The following NSUN6 variants were observed in gnomAD, a reference collection of about 807,000 sequenced individuals.
NSUN6 encodes tRNA (cytosine(72)-C(5))-methyltransferase NSUN6.
Under a neutral mutation model 58.0 loss-of-function variants are expected in NSUN6, and 64 were observed. That is an observed-to-expected ratio of 1.10 (90% CI 0.90 to 1.36). The LOEUF is 1.36. Among genes scored for constraint, NSUN6 ranks in the 40% most tolerant of loss-of-function variants. The pLI is 0.00. For missense variants in NSUN6, 701 were observed against 550.1 expected, an observed-to-expected ratio of 1.27 and a Z score of -2.74; for synonymous variants, 231 against 193.9, an observed-to-expected ratio of 1.19 and a Z score of -1.59.
chr10:18,574,023 C>G (rs1054404115), intron 8 of NSUN6, among the ~76,000 whole-genome samples: 2 of 152,078 alleles, frequency 1.3e-5, no homozygotes, highest in African/African-American at 4.8e-5. Context: ...CTCATAACTG[C>G]CCCTGTTTTA....
upstream of NSUN6, chr10:18,658,297 G>GT (rs2059800306): frequency 6.6e-6 from 1 of 152,134 alleles, no homozygotes; most frequent in African/African-American, 2.4e-5. Flanking sequence ...CTGGGAGGAC[G>GT]TAAGTCATAC....
At chr10:18,656,407 C>A (rs530849148), upstream of NSUN6, among the ~76,000 whole-genome samples, 1 of 152,236 alleles carries the variant, frequency 6.6e-6, no homozygotes, top group East Asian at 1.9e-4. Context: ...CATGGTGGTG[C>A]ATGCCTGTAA....
chr10:18,619,862 A>T (rs1564810604), intron 3 of NSUN6, among the ~76,000 whole-genome samples: 1 of 152,194 alleles, frequency 6.6e-6, no homozygotes, highest in Non-Finnish European at 1.5e-5. Context: ...GATATAAGAA[A>T]CTACACATAC....
At chr10:18,640,152 CA>C (rs1356886133) in intron 3 of NSUN6, among the ~76,000 whole-genome samples, 2 of 152,142 alleles carry the variant, frequency 1.3e-5, no homozygotes, top group African/African-American at 4.8e-5. Context: ...TAAGTGAACA[CA>C]AAAGCAAATT....
chr10:18,652,940 T>C (rs1009524538), upstream of NSUN6: 1 of 984,698 alleles, frequency 1.0e-6, no homozygotes, highest in Non-Finnish European at 1.2e-6. Flanking sequence ...AAAGCCAGGA[T>C]AAAGACTAGT....
At chr10:18,655,067 A>C, upstream of NSUN6, 2 of 982,878 alleles carry the variant, frequency 2.0e-6, no homozygotes, top group Non-Finnish European at 2.4e-6. Context: ...GGAACATTGG[A>C]AATTAGCACT....
Position 18,646,402 on chromosome 10 carries a change from T to G in NSUN6, c.231+2088A>C, listed in dbSNP as rs527784221. 1.5e-3 allele frequency among the ~76,000 whole-genome samples: 229 copies of G among 152,276 alleles called. 1 individual carries two copies. The highest frequency in any genetic ancestry group is 5.3e-3 in the African/African-American group (220 of 41,546). ...GCTTTACCATTGGTTTCCTATCTAG[T>G]GACTCTGACCGAAGCTTCCCTGTCC... On this transcript the variant is annotated intron_variant, in intron 2 of 10. Transcript: ENST00000377304.
intron 6 of NSUN6, among the ~76,000 whole-genome samples, chr10:18,597,899 TTTC>T (rs2057656751): frequency 6.6e-6 from 1 of 152,134 alleles, no homozygotes; most frequent in Admixed American, 6.5e-5. Context: ...AACAAGCAAA[TTTC>T]TTCCTCTGAA....
chr10:18,623,351 GA>G (rs1215500332), intron 3 of NSUN6, among the ~76,000 whole-genome samples: 9 of 152,120 alleles, frequency 5.9e-5, no homozygotes, highest in African/African-American at 2.2e-4. Context: ...GAAAGGGGGG[GA>G]AAAGAATAAA....
intron 7 of NSUN6, among the ~76,000 whole-genome samples, chr10:18,595,464 T>C (rs1432096820): frequency 1.3e-5 from 2 of 152,230 alleles, no homozygotes; most frequent in African/African-American, 2.4e-5. Flanking sequence ...CCATATAAAG[T>C]GAAAAATGAT....
chr10:18,643,207 T>C (rs368554676), intron 2 of NSUN6, among the ~76,000 whole-genome samples: 2 of 151,586 alleles, frequency 1.3e-5, no homozygotes, highest in East Asian at 2.0e-4. Context: ...ATTGGGGTTA[T>C]TTTTCCCAGA....
chr10:18,555,597 AGAATGGAATGGAAT>A (rs2054938583), intron 8 of NSUN6, among the ~76,000 whole-genome samples: 1 of 150,246 alleles, frequency 6.7e-6, no homozygotes, highest in Non-Finnish European at 1.5e-5. Context: ...AATGGAGTGG[AGAATGGAATGGAAT>A]AGAGAATGGA....
intron 6 of NSUN6, among the ~76,000 whole-genome samples, chr10:18,602,749 A>G (rs1321647505): frequency 6.6e-6 from 1 of 151,982 alleles, no homozygotes; most frequent in Non-Finnish European, 1.5e-5. Flanking sequence ...AGAAAAATCT[A>G]TTTTTTACTA....
intron 3 of NSUN6, among the ~76,000 whole-genome samples, chr10:18,631,348 C>A (rs1163877846): frequency 6.9e-6 from 1 of 145,104 alleles, no homozygotes; most frequent in Non-Finnish European, 1.5e-5. Flanking sequence ...TGGCACAAGA[C>A]AGGGATGCCC....
At chr10:18,595,669 A>C (rs1329418869) in intron 7 of NSUN6, among the ~76,000 whole-genome samples, 1 of 152,242 alleles carries the variant, frequency 6.6e-6, no homozygotes, top group East Asian at 1.9e-4. Context: ...TCAAAATGTA[A>C]ACAACAAATA....
rs1188113221 is a variant in NSUN6 at position 18,611,746 on chromosome 10, GTGTC to G, written c.576-1824_576-1821del. 1.1e-3 allele frequency among the ~76,000 whole-genome samples: 171 copies of G among 150,804 alleles called. 2 individuals carry two copies. The highest frequency in any genetic ancestry group is 2.4e-3 in the African/African-American group (98 of 40,506). Reference sequence around the variant, plus strand: ...ATGGTGTGTGTGTGTGTGTGTGTGTGTGTCTGTGTGTGTACAGTCTCACTATGTT... The same window carrying G: ...ATGGTGTGTGTGTGTGTGTGTGTGTGTGTGTGTGTACAGTCTCACTATGTT... On this transcript the variant is annotated intron_variant, in intron 5 of 10. Coordinates refer to ENST00000377304, the MANE Select transcript of NSUN6 (RefSeq NM_182543.5).
intron 6 of NSUN6, among the ~76,000 whole-genome samples, chr10:18,609,048 C>G (rs925464387): frequency 6.6e-6 from 1 of 152,162 alleles, no homozygotes; most frequent in Non-Finnish European, 1.5e-5. Flanking sequence ...GTGGCTCACA[C>G]CTATAATTCC....
At chr10:18,595,323 G>A (rs147575508) in intron 7 of NSUN6, among the ~76,000 whole-genome samples, 136 of 152,238 alleles carry the variant, frequency 8.9e-4, no homozygotes, top group Middle Eastern at 3.4e-3. Context: ...ACTCCCTTTG[G>A]AAAGACATTT....
chr10:18,648,016 G>A (rs1042896961), intron 2 of NSUN6, among the ~76,000 whole-genome samples: 1 of 152,160 alleles, frequency 6.6e-6, no homozygotes, highest in Non-Finnish European at 1.5e-5. Flanking sequence ...TGCGATTACA[G>A]GCATGAGCCA....
Sources: allele counts gnomAD v4.1 joint callset (sites outside exome capture counted in the v4.1 genomes callset), GRCh38; gene constraint gnomAD v4.1.1; transcripts MANE v1.5; gene names NCBI Gene and HGNC (gene_info 2026-07-23, HGNC 2026-07-21).